The following MAGI1 variants were observed in gnomAD, a reference collection of about 807,000 sequenced individuals.
MAGI1 encodes membrane associated guanylate kinase, WW and PDZ domain containing 1.
MAGI1 carries 58 observed loss-of-function variants against 139.9 expected under a neutral mutation model. The ratio of observed to expected loss-of-function variants is 0.41; its 90% CI spans 0.34 to 0.52. The LOEUF is 0.52. MAGI1 is among the 20% of genes least tolerant of loss of function. The probability of loss-of-function intolerance (pLI) is 0.12; values close to 1 mark genes in which losing one functional copy is unlikely to be tolerated. For synonymous variants in MAGI1, 812 were observed against 737.9 expected, an observed-to-expected ratio of 1.10 and a Z score of -1.63; for missense variants, 1,874 against 1,901.6, an observed-to-expected ratio of 0.99 and a Z score of 0.27.
At chr3:65,701,658 T>A (rs1041046896) in intron 1 of MAGI1, among the ~76,000 whole-genome samples, 1 of 152,214 alleles carries the variant, frequency 6.6e-6, no homozygotes, top group East Asian at 1.9e-4. Context: ...ACTTTTATTA[T>A]AGGACTGAAA....
intron 1 of MAGI1, among the ~76,000 whole-genome samples, chr3:65,853,359 A>C (rs1575714269): frequency 6.6e-6 from 1 of 152,370 alleles, no homozygotes; most frequent in East Asian, 1.9e-4. Flanking sequence ...CTATAAGTAC[A>C]TGTTTAATGC....
At chr3:65,469,226 T>C (rs1381917172) in intron 5 of MAGI1, among the ~76,000 whole-genome samples, 2 of 152,112 alleles carry the variant, frequency 1.3e-5, no homozygotes, top group African/African-American at 4.8e-5. Context: ...TTCTCATAGT[T>C]TTCTGCAATG....
At chr3:65,608,150 G>A (rs774847970) in intron 2 of MAGI1, among the ~76,000 whole-genome samples, 6 of 152,078 alleles carry the variant, frequency 3.9e-5, no homozygotes, top group Non-Finnish European at 8.8e-5. Context: ...CGATTAAAAA[G>A]ACAAACGGGG....
chr3:65,492,914 T>C (rs1275026635), intron 3 of MAGI1, among the ~76,000 whole-genome samples: 1 of 151,792 alleles, frequency 6.6e-6, no homozygotes, highest in Non-Finnish European at 1.5e-5. Flanking sequence ...CTGTCTCTAC[T>C]AAAAATACAA....
At chr3:65,750,061 G>C (rs1160391697) in intron 1 of MAGI1, among the ~76,000 whole-genome samples, 1 of 152,178 alleles carries the variant, frequency 6.6e-6, no homozygotes, top group Non-Finnish European at 1.5e-5. Flanking sequence ...AGGGCAGGCA[G>C]AGCAGAAAGG....
chr3:65,542,632 G>A (rs1407402837), intron 2 of MAGI1, among the ~76,000 whole-genome samples: 3 of 152,006 alleles, frequency 2.0e-5, no homozygotes, highest in Non-Finnish European at 2.9e-5. Context: ...CGACAAACCT[G>A]ACAAAAACAC....
rs551636835 is a variant in MAGI1 at position 65,550,355 on chromosome 3, T to C, written c.431-56724A>G. Reference sequence around the variant, plus strand: ...CCAAGTTCAAAGTCCTGGATCTTGGTCTCTCCATGCTACTGTTTTTAGTAA... The same window carrying C: ...CCAAGTTCAAAGTCCTGGATCTTGGCCTCTCCATGCTACTGTTTTTAGTAA... On this transcript the variant is annotated intron_variant, in intron 2 of 22. Coordinates refer to ENST00000402939, the MANE Select transcript of MAGI1 (RefSeq NM_001033057.2). Among the ~76,000 whole-genome samples the C allele has an allele frequency of 2.6e-5, 4 of 152,260 alleles. No homozygotes were observed. In the South Asian group the frequency reaches 8.3e-4, roughly 32 times the overall value.
At chr3:65,749,967 T>C (rs1269555033) in intron 1 of MAGI1, among the ~76,000 whole-genome samples, 1 of 152,076 alleles carries the variant, frequency 6.6e-6, no homozygotes, top group Non-Finnish European at 1.5e-5. Flanking sequence ...CTCAAAATGA[T>C]GGTGCAATGA....
chr3:65,426,482 A>C (rs1947051162), intron 12 of MAGI1, among the ~76,000 whole-genome samples: 2 of 152,128 alleles, frequency 1.3e-5, no homozygotes, highest in South Asian at 4.1e-4. Flanking sequence ...GAAAGCCACA[A>C]CCTCACGACA....
chr3:65,501,444 ACT>A lies in MAGI1; in HGVS notation c.431-7815_431-7814del, dbSNP rs374675784. Reference sequence around the variant, plus strand: ...ACTCCAGTGTGGGCAACATAGCGAGACTCTGTCTCAAAAAAAAAAAAAAAAAA... The same window carrying A: ...ACTCCAGTGTGGGCAACATAGCGAGACTGTCTCAAAAAAAAAAAAAAAAAA... On this transcript the variant is annotated intron_variant, in intron 2 of 22. Transcript: ENST00000402939. Among the ~76,000 whole-genome samples the A allele has an allele frequency of 1.0e-3, 90 of 87,098 alleles. 1 individual carries two copies. The East Asian group carries it at 0.027, about 26-fold the overall frequency. The allele number at this position is 87,098 out of a possible 152,430, so 57.1% of individuals were successfully genotyped here.
intron 1 of MAGI1, among the ~76,000 whole-genome samples, chr3:66,012,996 CTCATTTAA>C (rs1178076414): frequency 6.6e-6 from 1 of 152,152 alleles, no homozygotes; most frequent in Non-Finnish European, 1.5e-5. Context: ...TTGCATGTAG[CTCATTTAA>C]TCATTTTAAC....
chr3:65,461,730 C>T (rs1225543524), intron 5 of MAGI1, among the ~76,000 whole-genome samples: 2 of 152,078 alleles, frequency 1.3e-5, no homozygotes, highest in African/African-American at 2.4e-5. Flanking sequence ...CCTCATGATC[C>T]ACCTGCCTCA....
At chr3:65,809,662 T>C (rs1028736935) in intron 1 of MAGI1, among the ~76,000 whole-genome samples, 4 of 152,190 alleles carry the variant, frequency 2.6e-5, no homozygotes, top group African/African-American at 9.6e-5. Context: ...CCTAGTGACA[T>C]GGCCAGCCCT....
At chr3:65,551,140 T>A (rs558843386) in intron 2 of MAGI1, among the ~76,000 whole-genome samples, 1 of 152,216 alleles carries the variant, frequency 6.6e-6, no homozygotes, top group East Asian at 1.9e-4. Flanking sequence ...GATGGTGAGT[T>A]CTCAGGAGAT....
chr3:66,018,613 A>T (rs2107540144), intron 1 of MAGI1, among the ~76,000 whole-genome samples: 1 of 152,330 alleles, frequency 6.6e-6, no homozygotes, highest in Middle Eastern at 3.4e-3. Flanking sequence ...GATCATGATC[A>T]CCATCCCTTG....
intron 1 of MAGI1, among the ~76,000 whole-genome samples, chr3:65,785,192 T>A (rs569866078): frequency 6.6e-6 from 1 of 151,090 alleles, no homozygotes; most frequent in South Asian, 2.2e-4. Flanking sequence ...ACTTACTAAG[T>A]AATTTTTATT....
chr3:65,792,885 G>A (rs1200794693), intron 1 of MAGI1, among the ~76,000 whole-genome samples: 1 of 152,118 alleles, frequency 6.6e-6, no homozygotes, highest in Non-Finnish European at 1.5e-5. Context: ...TTGGCGCGGG[G>A]GAGGGCAGGC....
At chr3:65,437,066 A>G in intron 10 of MAGI1, 89 bp downstream of exon 10, 1 of 728,442 alleles carries the variant, frequency 1.4e-6, no homozygotes, top group Non-Finnish European at 2.3e-6. Context: ...ATGACTTGGG[A>G]GTTACGAGAT....
chr3:65,399,843 G>C (rs1349677746), intron 13 of MAGI1, among the ~76,000 whole-genome samples: 1 of 152,132 alleles, frequency 6.6e-6, no homozygotes, highest in African/African-American at 2.4e-5. Flanking sequence ...AAAATCCTTT[G>C]CACACTAAAT....
Sources: allele counts gnomAD v4.1 joint callset (sites outside exome capture counted in the v4.1 genomes callset), GRCh38; gene constraint gnomAD v4.1.1; transcripts MANE v1.5; gene names NCBI Gene and HGNC (gene_info 2026-07-23, HGNC 2026-07-21).